The following PTPRO variants were observed in gnomAD, a reference collection of about 807,000 sequenced individuals.
The protein encoded by PTPRO is protein tyrosine phosphatase receptor type O.
Under a neutral mutation model 145.2 loss-of-function variants are expected in PTPRO, and 62 were observed. The observed-to-expected ratio is 0.43, with a 90% CI of 0.35 to 0.53. PTPRO has a LOEUF of 0.53. Among genes scored for constraint, PTPRO ranks in the 20% least tolerant of loss-of-function variants. PTPRO has a pLI of 0.01. For synonymous variants in PTPRO, 565 were observed against 514.7 expected (o/e 1.10, Z -1.32); for missense variants, 1,345 against 1,482.7 (o/e 0.91, Z 1.53).
At chr12:15,508,846 G>A in intron 7 of PTPRO, 79 bp downstream of exon 7, 2 of 1,450,870 alleles carry the variant, frequency 1.4e-6, no homozygotes, top group African/African-American at 1.4e-5. Flanking sequence ...GGAGGCAATT[G>A]TAGGAAGCCA....
intron 12 of PTPRO, among the ~76,000 whole-genome samples, chr12:15,527,346 T>G (rs1337941570): frequency 6.6e-6 from 1 of 152,204 alleles, no homozygotes; most frequent in Non-Finnish European, 1.5e-5. Flanking sequence ...GAGGTTGAGG[T>G]AGTCAACTAG....
At chr12:15,374,914 T>C (rs1938635825) in intron 1 of PTPRO, among the ~76,000 whole-genome samples, 1 of 152,164 alleles carries the variant, frequency 6.6e-6, no homozygotes, top group African/African-American at 2.4e-5. Flanking sequence ...GTCCCTCATC[T>C]CTGACTGATG....
intron 24 of PTPRO, chr12:15,587,324 A>C: frequency 2.2e-6 from 1 of 447,222 alleles, no homozygotes; most frequent in Non-Finnish European, 4.1e-6. Flanking sequence ...AAGTTCATGC[A>C]ACTAGAACAT....
intron 1 of PTPRO, among the ~76,000 whole-genome samples, chr12:15,331,883 T>C (rs1414749795): frequency 6.6e-6 from 1 of 152,200 alleles, no homozygotes; most frequent in Non-Finnish European, 1.5e-5. Flanking sequence ...ACACGTATTG[T>C]ATCTTCCACA....
intron 1 of PTPRO, among the ~76,000 whole-genome samples, chr12:15,423,850 T>C (rs1398234707): frequency 6.6e-6 from 1 of 152,334 alleles, no homozygotes; most frequent in African/African-American, 2.4e-5. Flanking sequence ...GTCCATGCCA[T>C]GAATACTGAT....
chr12:15,395,809 TCACACACACA>T (rs34553766), intron 1 of PTPRO, among the ~76,000 whole-genome samples: 1 of 147,888 alleles, frequency 6.8e-6, no homozygotes, highest in Admixed American at 6.8e-5. Flanking sequence ...CAATTAAAGA[TCACACACACA>T]CACACACACA....
intron 19 of PTPRO, among the ~76,000 whole-genome samples, chr12:15,570,648 A>T (rs574738012): frequency 1.3e-5 from 2 of 152,322 alleles, no homozygotes; most frequent in South Asian, 4.1e-4. Flanking sequence ...ATTCAATTTG[A>T]ATTGGAAATG....
chr12:15,588,463 C>T (rs889894552), intron 24 of PTPRO, among the ~76,000 whole-genome samples: 1 of 152,132 alleles, frequency 6.6e-6, no homozygotes, highest in Non-Finnish European at 1.5e-5. Context: ...CTGTGATGGG[C>T]AGTTGGTCAG....
At chr12:15,460,175 C>G (rs1941270201) in intron 1 of PTPRO, among the ~76,000 whole-genome samples, 1 of 152,196 alleles carries the variant, frequency 6.6e-6, no homozygotes. Context: ...GGCTCAGGAT[C>G]TTGCTGGTGG....
At chr12:15,453,645 A>T (rs575558787) in intron 1 of PTPRO, among the ~76,000 whole-genome samples, 2 of 152,336 alleles carry the variant, frequency 1.3e-5, no homozygotes, top group Admixed American at 1.3e-4. Flanking sequence ...TTGTTTTGTT[A>T]ACTATAGGCA....
At chr12:15,393,213 A>C (rs529937573) in intron 1 of PTPRO, among the ~76,000 whole-genome samples, 3 of 152,128 alleles carry the variant, frequency 2.0e-5, no homozygotes, top group Non-Finnish European at 4.4e-5. Flanking sequence ...TAAAACTAAC[A>C]TGAAAAAAAA....
At chr12:15,529,639 G>C (rs190940756) in intron 12 of PTPRO, among the ~76,000 whole-genome samples, 1 of 152,212 alleles carries the variant, frequency 6.6e-6, no homozygotes, top group Non-Finnish European at 1.5e-5. Flanking sequence ...GACAGAGCAA[G>C]ACCCCCATCT....
In PTPRO at chr12:15,439,311, G is replaced by A. The variant is rs77424138; in HGVS notation, c.76-44663G>A. 4.3e-4 allele frequency among the ~76,000 whole-genome samples: 66 copies of A among 152,182 alleles called. No individual in the cohort carries two copies. The South Asian group carries it at 5.8e-3, about 13-fold the overall frequency. ...AAATGAAAGAACGATACCTGTAACC[G>A]CAAAAACACACTTAAGTACATAGCC... On this transcript the variant is annotated intron_variant, in intron 1 of 26. Coordinates refer to ENST00000281171, the MANE Select transcript of PTPRO (RefSeq NM_030667.3).
intron 14 of PTPRO, among the ~76,000 whole-genome samples, chr12:15,549,643 A>G (rs1312131997): frequency 6.6e-6 from 1 of 152,180 alleles, no homozygotes; most frequent in Non-Finnish European, 1.5e-5. Context: ...TCAAAGCAAG[A>G]AAGTTTCCAA....
chr12:15,376,298 A>G (rs1449712755), intron 1 of PTPRO, among the ~76,000 whole-genome samples: 3 of 152,196 alleles, frequency 2.0e-5, no homozygotes, highest in African/African-American at 7.2e-5. Context: ...CAGTGGAACT[A>G]ACATTCAATA....
chr12:15,347,907 G>A (rs1046317861), intron 1 of PTPRO, among the ~76,000 whole-genome samples: 4 of 152,028 alleles, frequency 2.6e-5, no homozygotes, highest in Admixed American at 2.0e-4. Flanking sequence ...ATTTACCTAT[G>A]GCCCTAAACA....
rs77110880 is a variant in PTPRO at position 15,514,706 on chromosome 12, T to A, written c.1465-792T>A. Among the ~76,000 whole-genome samples the A allele has an allele frequency of 2.2e-3, 334 of 152,110 alleles. 3 individuals are homozygous for A. The highest frequency in any genetic ancestry group is 7.7e-3 in the African/African-American group (319 of 41,538). Reference sequence around the variant, plus strand: ...TTACTTTATTTATTAAATGAGCACTTTGGACTAGGTAATCTCTAAGGTCAT... The same window carrying A: ...TTACTTTATTTATTAAATGAGCACTATGGACTAGGTAATCTCTAAGGTCAT... On this transcript the variant is annotated intron_variant, in intron 7 of 26. Coordinates refer to ENST00000281171, the MANE Select transcript of PTPRO (RefSeq NM_030667.3).
intron 20 of PTPRO, among the ~76,000 whole-genome samples, chr12:15,579,646 T>C (rs910042434): frequency 1.9e-4 from 29 of 152,246 alleles, no homozygotes; most frequent in Non-Finnish European, 8.8e-5. Flanking sequence ...CCCATGCATC[T>C]TCTGTTCTCT....
rs1942615323 is a variant in PTPRO at position 15,517,069 on chromosome 12, A to G, written c.1779+113A>G. The stretch of plus-strand genomic sequence containing the variant: ...AAATTTGATTATTTTGTAAATACAC[A>G]TAGTGTGTTAGTTCATTTTCACACT... On this transcript the variant is annotated intron_variant, in intron 9 of 26. Transcript: ENST00000281171. 10 of 1,020,234 alleles carry G rather than the reference A, an allele frequency of 9.8e-6. No homozygotes were observed. In the East Asian group the frequency reaches 9.9e-5, roughly 10 times the overall value. The allele number at this position is 1,020,234 out of a possible 1,614,324, so 63.2% of individuals were successfully genotyped here. A position where few individuals can be genotyped will look rare whatever the true frequency, so the allele number is the denominator to read the frequency against.
Sources: allele counts gnomAD v4.1 joint callset (sites outside exome capture counted in the v4.1 genomes callset), GRCh38; gene constraint gnomAD v4.1.1; transcripts MANE v1.5; gene names NCBI Gene and HGNC (gene_info 2026-07-23, HGNC 2026-07-21).